IL1RAPL2: variants seen among roughly 807,000 people sequenced by gnomAD.
IL1RAPL2 encodes the protein interleukin 1 receptor accessory protein like 2, also known as X-linked interleukin-1 receptor accessory protein-like 2.
Under a neutral mutation model 44.1 loss-of-function variants are expected in IL1RAPL2, and 3 were observed. That is an observed-to-expected ratio of 0.07 (90% CI 0.03 to 0.18). The LOEUF is 0.18. Ranked by LOEUF, IL1RAPL2 falls within the 10% of genes least tolerant of loss-of-function variation. The probability of loss-of-function intolerance (pLI) is 1.00; values close to 1 mark genes in which losing one functional copy is unlikely to be tolerated. For missense variants in IL1RAPL2, 391 were observed against 496.4 expected (o/e 0.79, Z 2.02); for synonymous variants, 181 against 178.8 (o/e 1.01, Z -0.10).
intron 2 of IL1RAPL2, among the ~76,000 whole-genome samples, chrX:104,852,915 AG>A (rs1435708082): frequency 8.9e-6 from 1 of 111,845 alleles, no homozygotes; most frequent in Non-Finnish European, 1.9e-5. Flanking sequence ...GTGAATCATT[AG>A]AAGCCAACCC....
intron 7 of IL1RAPL2, among the ~76,000 whole-genome samples, chrX:105,733,677 G>C (rs1312619584): frequency 6.4e-5 from 7 of 109,991 alleles, no homozygotes; most frequent in Non-Finnish European, 1.3e-4. Context: ...TTTTTTCTTA[G>C]AGTTTCCATC....
intron 2 of IL1RAPL2, among the ~76,000 whole-genome samples, chrX:104,822,988 T>C (rs778846702): frequency 8.9e-6 from 1 of 111,796 alleles, no homozygotes; most frequent in Non-Finnish European, 1.9e-5. Flanking sequence ...TTGTAATTTG[T>C]ATTCCTAGGT....
At chrX:105,468,133 C>T (rs768471553) in intron 5 of IL1RAPL2, among the ~76,000 whole-genome samples, 2 of 111,963 alleles carry the variant, frequency 1.8e-5, no homozygotes, top group Non-Finnish European at 3.8e-5. Context: ...ATTTAAGGAT[C>T]TGGGTTCCTT....
At chrX:105,382,450 C>T (rs2035440117) in intron 5 of IL1RAPL2, among the ~76,000 whole-genome samples, 1 of 108,696 alleles carries the variant, frequency 9.2e-6, no homozygotes, top group South Asian at 3.9e-4. Context: ...GAATGGCGAT[C>T]ATTAAAAAGT....
chrX:105,187,440 T>TA (rs1276614684), intron 2 of IL1RAPL2, among the ~76,000 whole-genome samples: 41 of 109,576 alleles, frequency 3.7e-4, no homozygotes, highest in East Asian at 1.1e-3. Context: ...ATTCTTCTAT[T>TA]AAAAAAAAAC....
At chrX:104,786,360 C>T (rs991801781) in intron 2 of IL1RAPL2, among the ~76,000 whole-genome samples, 1 of 112,176 alleles carries the variant, frequency 8.9e-6, no homozygotes, top group South Asian at 3.7e-4. Flanking sequence ...ATTCCCACTG[C>T]TGTACATGGC....
At chrX:104,730,793 G>A (rs1412017231) in intron 2 of IL1RAPL2, among the ~76,000 whole-genome samples, 3 of 109,414 alleles carry the variant, frequency 2.7e-5, no homozygotes, top group Admixed American at 1.9e-4. Context: ...CTGAGGAATC[G>A]CCACACTGAC....
chrX:104,860,932 A>C (rs762088116), intron 2 of IL1RAPL2, among the ~76,000 whole-genome samples: 3 of 111,423 alleles, frequency 2.7e-5, no homozygotes, highest in African/African-American at 9.7e-5. Flanking sequence ...CTTGGACCCT[A>C]GCTATCTTAC....
chrX:105,266,045 CT>C (rs374262397), intron 4 of IL1RAPL2, among the ~76,000 whole-genome samples: 14,562 of 102,578 alleles, frequency 0.14, 2,116 homozygotes, highest in African/African-American at 0.43. Context: ...TGATAAAATA[CT>C]TTTTTTTTTT....
intron 5 of IL1RAPL2, among the ~76,000 whole-genome samples, chrX:105,465,162 A>G (rs1206944677): frequency 8.9e-6 from 1 of 112,391 alleles, no homozygotes; most frequent in African/African-American, 3.2e-5. Context: ...ACTTGGCATT[A>G]AAGCAAAATC....
chrX:105,460,244 T>C (rs1602422421), intron 5 of IL1RAPL2, among the ~76,000 whole-genome samples: 1 of 111,483 alleles, frequency 9.0e-6, no homozygotes, highest in Admixed American at 9.6e-5. Flanking sequence ...CTACCTTATT[T>C]AATGAAGGAG....
At chrX:105,605,774 G>T (rs1250778322) in intron 6 of IL1RAPL2, among the ~76,000 whole-genome samples, 1 of 110,759 alleles carries the variant, frequency 9.0e-6, no homozygotes, top group Admixed American at 9.6e-5. Flanking sequence ...GAACAGAATG[G>T]AGAACTTAGA....
intron 5 of IL1RAPL2, among the ~76,000 whole-genome samples, chrX:105,372,017 C>A (rs1234920217): frequency 9.0e-6 from 1 of 111,702 alleles, no homozygotes; most frequent in Non-Finnish European, 1.9e-5. Context: ...CTTCATGCCT[C>A]CTGAGCTGGA....
intron 2 of IL1RAPL2, among the ~76,000 whole-genome samples, chrX:105,154,856 A>G (rs372462751): frequency 9.0e-6 from 1 of 111,490 alleles, no homozygotes; most frequent in Non-Finnish European, 1.9e-5. Flanking sequence ...ACCATGTACT[A>G]TATCCTGCCA....
rs748813132 is a variant in IL1RAPL2 at position 105,277,953 on chromosome X, T to G, written c.697+10412T>G. ...TTTCCCTTATTTCCTTCATTCTGCC[T>G]CAACCTATGACACAGGGCTATCTAT... is the stretch of plus-strand genomic sequence containing the variant. On this transcript the variant is annotated intron_variant, in intron 5 of 10. Transcript: ENST00000372582. Among the ~76,000 whole-genome samples, 13 of 111,655 alleles carry G rather than the reference T, an allele frequency of 1.2e-4. No individual in the cohort carries two copies. In the South Asian group the frequency reaches 4.2e-3, roughly 36 times the overall value.
chrX:105,350,257 A>G (rs2035142307), intron 5 of IL1RAPL2, among the ~76,000 whole-genome samples: 1 of 111,804 alleles, frequency 8.9e-6, no homozygotes, highest in African/African-American at 3.3e-5. Flanking sequence ...AATCATAGAA[A>G]TGCTAGAATG....
intron 6 of IL1RAPL2, among the ~76,000 whole-genome samples, chrX:105,695,670 T>C (rs750752286): frequency 8.9e-6 from 1 of 111,741 alleles, no homozygotes. Flanking sequence ...AGCATTACTA[T>C]GACTCAGACA....
At chrX:104,928,001 A>G (rs1206065052) in intron 2 of IL1RAPL2, among the ~76,000 whole-genome samples, 2 of 111,937 alleles carry the variant, frequency 1.8e-5, no homozygotes, top group Admixed American at 1.9e-4. Context: ...TCAGGTCAAC[A>G]TTTAATTTTT....
intron 5 of IL1RAPL2, among the ~76,000 whole-genome samples, chrX:105,304,807 A>G (rs1391719661): frequency 1.8e-5 from 2 of 112,010 alleles, no homozygotes; most frequent in Non-Finnish European, 3.8e-5. Context: ...GTTTTGCTCA[A>G]TGGATATTGT....
Sources: gnomAD v4.1 joint callset for allele counts (sites outside exome capture counted in the v4.1 genomes callset) on GRCh38, gnomAD v4.1.1 for gene constraint, MANE v1.5 for transcripts, NCBI Gene and HGNC (gene_info 2026-07-23, HGNC 2026-07-21) for gene names.